The following PATJ variants were observed in gnomAD, a reference collection of about 807,000 sequenced individuals.
The protein encoded by PATJ is PATJ crumbs cell polarity complex component, also known as inaD-like protein.
In PATJ, 190 loss-of-function variants were observed where a neutral mutation model predicts 224.9. The ratio of observed to expected loss-of-function variants is 0.84; its 90% CI spans 0.75 to 0.95. The LOEUF is 0.95. Among genes scored for constraint, PATJ ranks in the 40% least tolerant of loss-of-function variants. The pLI, the probability that PATJ is intolerant of heterozygous loss-of-function variation, is 0.00. For synonymous variants in PATJ, 769 were observed against 820.3 expected (o/e 0.94, Z 1.07); for missense variants, 2,121 against 2,270.3 (o/e 0.93, Z 1.34).
At chr1:61,949,388 C>T (rs1679283256) in intron 27 of PATJ, among the ~76,000 whole-genome samples, 1 of 151,490 alleles carries the variant, frequency 6.6e-6, no homozygotes, top group African/African-American at 2.4e-5. Context: ...GTTCTAAAAC[C>T]AAATAGTTGT....
chr1:61,822,856 GT>G, intron 14 of PATJ, 88 bp from the exon 15 acceptor site: 1 of 1,471,530 alleles, frequency 6.8e-7, no homozygotes, highest in Admixed American at 2.0e-5. Flanking sequence ...AAGAGGTGGG[GT>G]TTTTCACTTC....
chr1:61,955,873 T>C (rs1680373117), intron 27 of PATJ, among the ~76,000 whole-genome samples: 1 of 152,252 alleles, frequency 6.6e-6, no homozygotes, highest in African/African-American at 2.4e-5. Context: ...AATTGATTGC[T>C]ATTCTCTTTT....
chr1:62,121,141 C>T, intron 37 of PATJ, 40 bp from the exon 38 acceptor site: 2 of 1,272,524 alleles, frequency 1.6e-6, no homozygotes, highest in Non-Finnish European at 2.3e-6. Flanking sequence ...GGGGTCAAGT[C>T]AGTGTCTGCA....
Position 62,120,966 on chromosome 1 carries a change from T to A in PATJ, c.4891-215T>A, listed in dbSNP as rs151077710. 9.9e-5 allele frequency: 46 copies of A among 465,458 alleles called. No homozygotes were observed. In the East Asian group the frequency reaches 1.6e-3, roughly 16 times the overall value. 28.8% of individuals were successfully genotyped at this position (465,458 alleles called of 1,614,324 possible). On this transcript the variant is annotated intron_variant, in intron 37 of 43. Coordinates refer to ENST00000642238, the MANE Select transcript of PATJ (RefSeq NM_001350145.3). ...TTGAAACCATATACAAAAGCACACA[T>A]AATGGAGAAAGCAATGGAGGAAATG...
intron 43 of PATJ, among the ~76,000 whole-genome samples, chr1:62,158,743 G>A (rs1669542967): frequency 2.4e-5 from 3 of 124,874 alleles, no homozygotes; most frequent in South Asian, 2.5e-4. Flanking sequence ...AAAAAAAAGA[G>A]TTCGAGACCA....
chr1:61,783,423 CT>C lies in PATJ; in HGVS notation c.850-4313del, dbSNP rs79615768. The stretch of plus-strand genomic sequence containing the variant: ...CTTTTTTTTTCCTTTCTTTTCTTTT[CT>C]TTTTTTTTTTTTTTTTTAAATAGAG... On this transcript the variant is annotated intron_variant, in intron 7 of 43. Transcript: ENST00000642238. 5.4e-3 allele frequency among the ~76,000 whole-genome samples: 643 copies of C among 119,194 alleles called. 5 individuals are homozygous for C. Among genetic ancestry groups the C allele is most frequent in the African/African-American group, 0.016 (524 of 32,148 alleles). The allele number at this position is 119,194 out of a possible 152,430, so 78.2% of individuals were successfully genotyped here.
At chr1:62,106,124 A>G in intron 33 of PATJ, among the ~76,000 whole-genome samples, 1 of 100,724 alleles carries the variant, frequency 9.9e-6, no homozygotes. Flanking sequence ...ACACACAAAC[A>G]CACATATATA....
At chr1:62,051,467 C>T (rs1214258701) in intron 31 of PATJ, among the ~76,000 whole-genome samples, 1 of 152,160 alleles carries the variant, frequency 6.6e-6, no homozygotes, top group Non-Finnish European at 1.5e-5. Flanking sequence ...GCTGGGACTA[C>T]AGGCGCACAC....
chr1:62,064,884 C>A (rs1461490570), intron 31 of PATJ, among the ~76,000 whole-genome samples: 1 of 152,144 alleles, frequency 6.6e-6, no homozygotes, highest in African/African-American at 2.4e-5. Context: ...TTTTCTGTTT[C>A]AGATGCAACA....
chr1:61,980,482 A>G lies in PATJ; in HGVS notation c.3671-9686A>G, dbSNP rs66747141. Reference sequence around the variant, plus strand: ...GTGTGTGTGTGTGTGTGTGTGTGGTATGCATTTTCATATAGTAAACAAAGT... The same window carrying G: ...GTGTGTGTGTGTGTGTGTGTGTGGTGTGCATTTTCATATAGTAAACAAAGT... On this transcript the variant is annotated intron_variant, in intron 27 of 43. Transcript: ENST00000642238. 7.5e-4 allele frequency among the ~76,000 whole-genome samples: 89 copies of G among 119,214 alleles called. No homozygotes were observed. In the East Asian group the frequency reaches 0.01, roughly 14 times the overall value. The allele number at this position is 119,214 out of a possible 152,430, so 78.2% of individuals were successfully genotyped here.
intron 29 of PATJ, among the ~76,000 whole-genome samples, chr1:62,036,866 C>A (rs1438490131): frequency 5.4e-3 from 1 of 184 alleles, no homozygotes; most frequent in Admixed American, 0.045. Context: ...AGTGAGACTC[C>A]ATCTCAAAAA....
rs1659726982 is a variant in PATJ, at chr1:62,084,640, A to G, written c.4369A>G (p.Thr1457Ala). The G allele has an allele frequency of 6.2e-7, 1 of 1,612,648 alleles. No homozygotes were observed. Among genetic ancestry groups the G allele is most frequent in the Admixed American group, 1.7e-5 (1 of 59,766 alleles). ...TCTCAGCATTGTGGGAGGAAAAGAC[A>G]CACCCTTGGTAAGTTTCTAGAAATA... Reference protein sequence around the residue: ...LGLSIVGGKDTPLNAIVIHEV... With the variant: ...LGLSIVGGKDAPLNAIVIHEV... The change falls in exon 33 of 44, where the codon ACA (threonine) becomes GCA (alanine). Residue 1457 changes from threonine to alanine, a missense_variant. By Grantham distance (58) the Thr-to-Ala change is moderately conservative. Transcript: ENST00000642238.
At chr1:62,059,504 A>C (rs1295298227) in intron 31 of PATJ, among the ~76,000 whole-genome samples, 1 of 151,708 alleles carries the variant, frequency 6.6e-6, no homozygotes, top group Admixed American at 6.6e-5. Context: ...GTAATCCTAG[A>C]TACTCGGGAG....
At chr1:62,026,430 G>A (rs1201513146) in intron 29 of PATJ, among the ~76,000 whole-genome samples, 1 of 151,814 alleles carries the variant, frequency 6.6e-6, no homozygotes, top group Non-Finnish European at 1.5e-5. Context: ...CAGGCCTGGT[G>A]AGTTGTGTTG....
intron 23 of PATJ, 140 bp downstream of exon 23, chr1:61,899,794 G>C: frequency 1.9e-6 from 1 of 540,192 alleles, no homozygotes; most frequent in Non-Finnish European, 3.2e-6. Context: ...CCTACGTTTT[G>C]GTTTCATTTT....
intron 40 of PATJ, among the ~76,000 whole-genome samples, chr1:62,128,629 A>G (rs1435409401): frequency 2.6e-5 from 4 of 152,184 alleles, no homozygotes; most frequent in East Asian, 1.9e-4. Context: ...TTAATAATCA[A>G]ATGTGACCCC....
intron 11 of PATJ, among the ~76,000 whole-genome samples, chr1:61,798,860 C>T (rs969620521): frequency 2.6e-5 from 4 of 151,626 alleles, no homozygotes; most frequent in Admixed American, 2.0e-4. Flanking sequence ...TGCCGGCCTG[C>T]GTGACAGAGT....
At position 62,070,626 on chromosome 1, in the gene PATJ, A is replaced by G. The variant is rs183273994; in HGVS notation, c.4126-8824A>G. 2.0e-5 allele frequency among the ~76,000 whole-genome samples: 3 copies of G among 152,326 alleles called. No homozygotes were observed. In the East Asian group the frequency reaches 5.8e-4, roughly 29 times the overall value. ...GCACCACCCAGGGGCTAAGGGAAGA[A>G]TTACAAGAGGAGGTAATTTTTTTAG... On this transcript the variant is annotated intron_variant, in intron 31 of 43. Coordinates refer to ENST00000642238, the MANE Select transcript of PATJ (RefSeq NM_001350145.3).
intron 17 of PATJ, among the ~76,000 whole-genome samples, chr1:61,853,130 C>T (rs1663103301): frequency 6.6e-6 from 1 of 152,116 alleles, no homozygotes; most frequent in Non-Finnish European, 1.5e-5. Flanking sequence ...AGAAAGCATT[C>T]CTGTCACTAG....
Sources: allele counts gnomAD v4.1 joint callset (sites outside exome capture counted in the v4.1 genomes callset), GRCh38; gene constraint gnomAD v4.1.1; transcripts MANE v1.5; gene names NCBI Gene and HGNC (gene_info 2026-07-23, HGNC 2026-07-21).